RANBP9: variants seen among roughly 807,000 people sequenced by gnomAD.
The protein encoded by RANBP9 is ran-binding protein 9.
RANBP9 carries 15 observed loss-of-function variants against 84.3 expected under a neutral mutation model. The observed-to-expected ratio is 0.18, with a 90% CI of 0.12 to 0.27. RANBP9 has a LOEUF of 0.27. Among genes scored for constraint, RANBP9 ranks in the 10% least tolerant of loss-of-function variants. The probability of loss-of-function intolerance (pLI) is 1.00; values close to 1 mark genes in which losing one functional copy is unlikely to be tolerated. For synonymous variants in RANBP9, 392 were observed against 349.6 expected (o/e 1.12, Z -1.35); for missense variants, 809 against 912.8 (o/e 0.89, Z 1.46).
chr6:13,695,415 T>G (rs1192999835), intron 2 of RANBP9, among the ~76,000 whole-genome samples: 2 of 150,904 alleles, frequency 1.3e-5, no homozygotes, highest in East Asian at 3.9e-4. Flanking sequence ...TTTTTTTTTT[T>G]TTTTTTTTTT....
intron 1 of RANBP9, among the ~76,000 whole-genome samples, chr6:13,706,553 C>T (rs1490002969): frequency 6.6e-6 from 1 of 151,234 alleles, no homozygotes; most frequent in Non-Finnish European, 1.5e-5. Context: ...ATTAGCCAGG[C>T]GTGGTGGCGC....
chr6:13,701,549 G>T (rs1271266265), intron 1 of RANBP9, among the ~76,000 whole-genome samples: 2 of 152,164 alleles, frequency 1.3e-5, no homozygotes, highest in Admixed American at 1.3e-4. Flanking sequence ...AAGGCAGGCG[G>T]ATTGCCTGAG....
At chr6:13,623,405 A>C (rs1372496159) in intron 13 of RANBP9, among the ~76,000 whole-genome samples, 1 of 152,234 alleles carries the variant, frequency 6.6e-6, no homozygotes, top group African/African-American at 2.4e-5. Flanking sequence ...TGATGGTGGA[A>C]GAAAGAAGAG....
intron 1 of RANBP9, among the ~76,000 whole-genome samples, chr6:13,706,680 G>A (rs1403264090): frequency 6.7e-5 from 10 of 148,968 alleles, no homozygotes; most frequent in Admixed American, 6.1e-4. Context: ...CAACAGCAGA[G>A]CGAGACTCCA....
In RANBP9 at chr6:13,711,130, C is replaced by T. The variant is rs775119966; in HGVS notation, c.376G>A (p.Gly126Ser). 2.9e-5 allele frequency: 45 copies of T among 1,541,864 alleles called. No individual in the cohort carries two copies. The highest frequency in any genetic ancestry group is 3.8e-5 in the Non-Finnish European group (43 of 1,145,230). The change falls in exon 1 of 14, where the codon GGC becomes AGC. Residue 126 changes from glycine (G) to serine (S), a missense_variant. By Grantham distance (56) the Gly-to-Ser change is moderately conservative. Coordinates refer to ENST00000011619, the MANE Select transcript of RANBP9 (RefSeq NM_005493.3). ...GGAPTPALVAGSSAAAPFPHG... is the reference protein window; with the variant it reads ...GGAPTPALVASSSAAAPFPHG... Reference sequence around the variant, plus strand: ...GGGAAGGGGGCCGCGGCGCTGCTGCCCGCCACCAGAGCTGGGGTCGGGGCT... The same window carrying T: ...GGGAAGGGGGCCGCGGCGCTGCTGCTCGCCACCAGAGCTGGGGTCGGGGCT...
intron 2 of RANBP9, among the ~76,000 whole-genome samples, chr6:13,664,043 AAG>A (rs1337309548): frequency 3.9e-5 from 6 of 152,136 alleles, no homozygotes; most frequent in African/African-American, 1.4e-4. Context: ...CAAGGCAAAA[AAG>A]AGAAATAAAA....
At chr6:13,626,138 G>A (rs1415518635) in intron 12 of RANBP9, among the ~76,000 whole-genome samples, 1 of 152,184 alleles carries the variant, frequency 6.6e-6, no homozygotes, top group Non-Finnish European at 1.5e-5. Flanking sequence ...TCAAAGGACA[G>A]GGCCTGTCTG....
chr6:13,680,675 G>T (rs928479012), intron 2 of RANBP9, among the ~76,000 whole-genome samples: 4 of 151,986 alleles, frequency 2.6e-5, no homozygotes, highest in Non-Finnish European at 5.9e-5. Flanking sequence ...AGGATCGCTT[G>T]GCCCCAGGAG....
At chr6:13,642,367 A>T in intron 7 of RANBP9, 112 bp downstream of exon 7, 1 of 431,580 alleles carries the variant, frequency 2.3e-6, no homozygotes, top group Non-Finnish European at 3.8e-6. Flanking sequence ...CATCCATTTT[A>T]AATTAATATA....
In RANBP9 at chr6:13,651,602, G is replaced by A. The variant is rs192679986; in HGVS notation, c.927+1057C>T. ...TTTTTAGTAGAGACGGGGGTTCACC[G>A]TGTTGGCCAGGATGGTCTCGATCTC... On this transcript the variant is annotated intron_variant, in intron 5 of 13. Transcript: ENST00000011619. Among the ~76,000 whole-genome samples the A allele has an allele frequency of 7.6e-3, 1,149 of 151,390 alleles. 11 individuals are homozygous for A. The highest frequency in any genetic ancestry group is 0.026 in the African/African-American group (1,074 of 41,256).
At chr6:13,705,484 T>C (rs1758085156) in intron 1 of RANBP9, among the ~76,000 whole-genome samples, 1 of 151,162 alleles carries the variant, frequency 6.6e-6, no homozygotes, top group Non-Finnish European at 1.5e-5. Flanking sequence ...TTAGATTTAC[T>C]TGATTCTTGC....
chr6:13,683,785 A>C (rs1030617027), intron 2 of RANBP9, among the ~76,000 whole-genome samples: 6 of 152,116 alleles, frequency 3.9e-5, no homozygotes, highest in African/African-American at 1.4e-4. Context: ...TGGGAAAAAA[A>C]AAACACCTAT....
At chr6:13,704,147 G>T (rs1758040640) in intron 1 of RANBP9, among the ~76,000 whole-genome samples, 1 of 151,930 alleles carries the variant, frequency 6.6e-6, no homozygotes, top group Non-Finnish European at 1.5e-5. Context: ...TTCTAACATG[G>T]TCTACTGCAA....
intron 10 of RANBP9, among the ~76,000 whole-genome samples, chr6:13,635,234 G>A (rs1423232529): frequency 1.3e-5 from 2 of 152,090 alleles, no homozygotes; most frequent in African/African-American, 2.4e-5. Flanking sequence ...TGATGTCCTG[G>A]ATAGTTTCCA....
At chr6:13,698,029 G>A (rs1029640139) in intron 1 of RANBP9, among the ~76,000 whole-genome samples, 4 of 152,090 alleles carry the variant, frequency 2.6e-5, no homozygotes, top group Admixed American at 6.6e-5. Flanking sequence ...ACATGAATGA[G>A]ATCATATCCT....
chr6:13,658,133 G>A (rs887748675), intron 3 of RANBP9, among the ~76,000 whole-genome samples: 2 of 151,958 alleles, frequency 1.3e-5, no homozygotes, highest in African/African-American at 2.4e-5. Flanking sequence ...GATATTCCCT[G>A]AATATTAAGA....
intron 2 of RANBP9, among the ~76,000 whole-genome samples, chr6:13,661,736 A>G (rs1022425145): frequency 6.6e-6 from 1 of 152,230 alleles, no homozygotes; most frequent in African/African-American, 2.4e-5. Context: ...AACTGAAAAT[A>G]CACACTACAT....
At chr6:13,701,485 G>A (rs796352601) in intron 1 of RANBP9, among the ~76,000 whole-genome samples, 10 of 152,136 alleles carry the variant, frequency 6.6e-5, no homozygotes, top group African/African-American at 2.4e-4. Flanking sequence ...AAGAAAACAG[G>A]AGGCCAGCTG....
rs750735584 is a variant in RANBP9 at position 13,657,231 on chromosome 6, G to A, written c.782C>T (p.Ser261Leu). 4 of 1,613,428 alleles carry A rather than the reference G, an allele frequency of 2.5e-6. No individual in the cohort carries two copies. The highest frequency in any genetic ancestry group is 3.4e-6 in the Non-Finnish European group (4 of 1,179,608). The change falls in exon 4 of 14, where the codon TCG becomes TTG. Residue 261 changes from serine to leucine, a missense_variant. By Grantham distance (145) the Ser-to-Leu change is moderately radical. Coordinates refer to ENST00000011619, the MANE Select transcript of RANBP9 (RefSeq NM_005493.3). ...TTGTCCAGTTCCAGAAGAACAAAAC[G>A]AATGTCCATCATCCCCATGGTAACC... is the stretch of plus-strand genomic sequence containing the variant. Reference protein sequence around the residue: ...SYGYHGDDGHSFCSSGTGQPY... With the variant: ...SYGYHGDDGHLFCSSGTGQPY...
Sources: allele counts gnomAD v4.1 joint callset (sites outside exome capture counted in the v4.1 genomes callset), GRCh38; gene constraint gnomAD v4.1.1; transcripts MANE v1.5; gene names NCBI Gene and HGNC (gene_info 2026-07-23, HGNC 2026-07-21).